The following DRC11 variants were observed in gnomAD, a reference collection of about 807,000 sequenced individuals.
The protein encoded by DRC11 is dynein regulatory complex subunit 11, also known as IQ and AAA domain-containing protein 1.
At chr2:236,487,966 T>C in the DRC11 span, 4 of 1,477,670 alleles carry the variant, frequency 2.7e-6, no homozygotes, top group Non-Finnish European at 3.6e-6. Context: ...ATAAGGCACC[T>C]TGTACCCCAA....
At chr2:236,347,477 T>C in the DRC11 span, among the ~76,000 whole-genome samples, 1 of 142,058 alleles carries the variant, frequency 7.0e-6, no homozygotes, top group East Asian at 2.0e-4. Context: ...CCAACCCAAA[T>C]GCCCATCAAC....
At chr2:236,357,131 T>C in the DRC11 span, among the ~76,000 whole-genome samples, 1 of 98,634 alleles carries the variant, frequency 1.0e-5, no homozygotes, top group Non-Finnish European at 2.2e-5. Context: ...TATATATTCG[T>C]ATATTATATA....
At chr2:236,493,291 T>C in the DRC11 span, among the ~76,000 whole-genome samples, 30 of 152,262 alleles carry the variant, frequency 2.0e-4, no homozygotes, top group African/African-American at 5.8e-4. Flanking sequence ...ATGGGAATTG[T>C]GGGAGCTACA....
the DRC11 span, among the ~76,000 whole-genome samples, chr2:236,363,520 GAC>G: frequency 6.6e-6 from 1 of 152,202 alleles, no homozygotes; most frequent in Admixed American, 6.5e-5. The surrounding 1 kb of genome is among the most constrained non-coding windows in gnomAD (Gnocchi z 5.6). Flanking sequence ...TTTTCAATGA[GAC>G]ATGAAAGCAT....
At chr2:236,453,675 T>G in the DRC11 span, among the ~76,000 whole-genome samples, 1 of 152,192 alleles carries the variant, frequency 6.6e-6, no homozygotes, top group South Asian at 2.1e-4. This position sits in a 1 kb window ranked among gnomAD's most constrained non-coding sequence, Gnocchi z 4.9. Flanking sequence ...AGTCTCACTC[T>G]GTCGCCCAGG....
At chr2:236,341,231 G>T in the DRC11 span, among the ~76,000 whole-genome samples, 1 of 152,250 alleles carries the variant, frequency 6.6e-6, no homozygotes, top group African/African-American at 2.4e-5. Context: ...CTTGCTAGAT[G>T]AAGTAACAAA....
At chr2:236,367,014 G>A in the DRC11 span, among the ~76,000 whole-genome samples, 1 of 146,796 alleles carries the variant, frequency 6.8e-6, no homozygotes, top group African/African-American at 2.5e-5. The surrounding 1 kb of genome is among the most constrained non-coding windows in gnomAD (Gnocchi z 4.8). Flanking sequence ...CAGAGATGGG[G>A]TTTCACCATG....
chr2:236,465,562 C>T, the DRC11 span: 5 of 1,613,996 alleles, frequency 3.1e-6, no homozygotes, highest in Admixed American at 6.7e-5. This position sits in a 1 kb window ranked among gnomAD's most constrained non-coding sequence, Gnocchi z 6.2. Flanking sequence ...GATATCCACG[C>T]CTTCTATCAA....
chr2:236,387,794 C>G, the DRC11 span, among the ~76,000 whole-genome samples: 1 of 152,052 alleles, frequency 6.6e-6, no homozygotes, highest in Admixed American at 6.5e-5. Context: ...TTTGCAGTGG[C>G]TGGTACCGGT....
chr2:236,450,389 G>A, the DRC11 span, among the ~76,000 whole-genome samples: 8 of 138,416 alleles, frequency 5.8e-5, no homozygotes, highest in Middle Eastern at 7.7e-3. Context: ...GCGCAATCTC[G>A]GCTCACTGCA....
the DRC11 span, among the ~76,000 whole-genome samples, chr2:236,359,474 G>A: frequency 2.9e-4 from 44 of 152,134 alleles, no homozygotes; most frequent in Non-Finnish European, 5.1e-4. This position sits in a 1 kb window ranked among gnomAD's most constrained non-coding sequence, Gnocchi z 4.3. Context: ...GAAATGACAA[G>A]CATTTCCCTG....
chr2:236,393,918 T>C, the DRC11 span, among the ~76,000 whole-genome samples: 22 of 152,312 alleles, frequency 1.4e-4, no homozygotes, highest in South Asian at 2.9e-3. The surrounding 1 kb of genome is among the most constrained non-coding windows in gnomAD (Gnocchi z 4.7). Context: ...GCAGAGACCA[T>C]TCCCCTTTCT....
At chr2:236,444,854 G>A in the DRC11 span, among the ~76,000 whole-genome samples, 1 of 152,218 alleles carries the variant, frequency 6.6e-6, no homozygotes, top group Non-Finnish European at 1.5e-5. Context: ...ACAGAGATCT[G>A]ACATTCAAAG....
chr2:236,463,432 A>ATACCTG, the DRC11 span, among the ~76,000 whole-genome samples: 1 of 152,212 alleles, frequency 6.6e-6, no homozygotes, highest in Non-Finnish European at 1.5e-5. This position sits in a 1 kb window ranked among gnomAD's most constrained non-coding sequence, Gnocchi z 5.0. Flanking sequence ...GCTATAAAAT[A>ATACCTG]TACCTGATAA....
the DRC11 span, among the ~76,000 whole-genome samples, chr2:236,329,054 C>A: frequency 1.3e-5 from 2 of 152,184 alleles, no homozygotes; most frequent in Non-Finnish European, 2.9e-5. Context: ...TGGCTTGTGG[C>A]CCCTGCTCCA....
chr2:236,336,897 G>A, the DRC11 span, among the ~76,000 whole-genome samples: 1 of 152,208 alleles, frequency 6.6e-6, no homozygotes, highest in Admixed American at 6.5e-5. The surrounding 1 kb of genome is among the most constrained non-coding windows in gnomAD (Gnocchi z 7.3). Context: ...CACAGAGGGT[G>A]GTGATGGTGC....
chr2:236,476,513 GC>G, the DRC11 span, among the ~76,000 whole-genome samples: 1 of 152,042 alleles, frequency 6.6e-6, no homozygotes, highest in African/African-American at 2.4e-5. The surrounding 1 kb of genome is among the most constrained non-coding windows in gnomAD (Gnocchi z 4.7). Flanking sequence ...TGCAAAAAAG[GC>G]TAATTTGACT....
At chr2:236,351,986 T>C in the DRC11 span, among the ~76,000 whole-genome samples, 1 of 152,004 alleles carries the variant, frequency 6.6e-6, no homozygotes, top group Non-Finnish European at 1.5e-5. This position sits in a 1 kb window ranked among gnomAD's most constrained non-coding sequence, Gnocchi z 7.3. Context: ...GCCACAGCAA[T>C]GGCAGTGGAC....
At chr2:236,445,224 A>C in the DRC11 span, among the ~76,000 whole-genome samples, 1 of 152,332 alleles carries the variant, frequency 6.6e-6, no homozygotes, top group South Asian at 2.1e-4. This position sits in a 1 kb window ranked among gnomAD's most constrained non-coding sequence, Gnocchi z 4.8. Flanking sequence ...ATTTACATAC[A>C]TCATTTCTAA....
Sources: gnomAD v4.1 joint callset for allele counts (sites outside exome capture counted in the v4.1 genomes callset) on GRCh38, gnomAD v4.1.1 for gene constraint, Gnocchi (gnomAD v3.1) non-coding constraint, MANE v1.5 for transcripts, NCBI Gene and HGNC (gene_info 2026-07-23, HGNC 2026-07-21) for gene names.